PRRC2A: variants seen among roughly 807,000 people sequenced by gnomAD.
PRRC2A encodes protein PRRC2A.
PRRC2A carries 59 observed loss-of-function variants against 224.6 expected under a neutral mutation model. The observed-to-expected ratio is 0.26, with a 90% CI of 0.21 to 0.33. The LOEUF is 0.33. Among genes scored for constraint, PRRC2A ranks in the 10% least tolerant of loss-of-function variants. The pLI, the probability that PRRC2A is intolerant of heterozygous loss-of-function variation, is 1.00. For synonymous variants in PRRC2A, 1,194 were observed against 1,109.5 expected (o/e 1.08, Z -1.51); for missense variants, 3,095 against 2,880.7 (o/e 1.07, Z -1.70).
chr6:31,632,353 A>G lies in PRRC2A; in HGVS notation c.3680A>G (p.Asn1227Ser), dbSNP rs760689376. The G allele has an allele frequency of 2.2e-5, 36 of 1,613,196 alleles. No homozygotes were observed. Among genetic ancestry groups the G allele is most frequent in the Non-Finnish European group, 2.9e-5 (34 of 1,179,958 alleles). Residue 1227 changes from asparagine (N) to serine (S), a missense_variant, in exon 16 of 31, where the codon AAT becomes AGT. Physicochemically the swap from Asn to Ser is conservative, Grantham distance 46. Coordinates refer to ENST00000376033, the MANE Select transcript of PRRC2A (RefSeq NM_004638.4). ...PLSPVARGGSNGGSNVGMEDG... is the reference protein window; with the variant it reads ...PLSPVARGGSSGGSNVGMEDG... ...TCCCCTGTGGCGCGCGGAGGCAGCA[A>G]TGGAGGTAGCAATGTGGGCATGGAA...
rs1776765386 is a variant in PRRC2A at position 31,632,553 on chromosome 6, A to G, written c.3880A>G (p.Thr1294Ala). Residue 1294 changes from threonine (T) to alanine (A), a missense_variant, in exon 16 of 31, where the codon ACA becomes GCA. By Grantham distance (58) the Thr-to-Ala change is moderately conservative. Coordinates refer to ENST00000376033, the MANE Select transcript of PRRC2A (RefSeq NM_004638.4). ...PGPEEALTTV[T>A]VAPAPRRAAA... is the part of the protein sequence containing the mutation. ...ACCTGAGGAGGCCCTCACAACAGTC[A>G]CAGTGGCCCCAGCACCTCGCCGGGC... The G allele has an allele frequency of 6.2e-7, 1 of 1,611,646 alleles. No homozygotes were observed. Among genetic ancestry groups the G allele is most frequent in the Non-Finnish European group, 8.5e-7 (1 of 1,179,256 alleles).
chr6:31,627,017 C>T lies in PRRC2A; in HGVS notation c.1109C>T (p.Pro370Leu). ...DSQSASGEER[P>L]PEADGKKGNS... ...CAATCAGCTTCTGGTGAGGAACGGC[C>T]CCCTGAAGCAGATGGCAAAAAGGGC... The change falls in exon 11 of 31, where the codon CCC (proline) becomes CTC (leucine). Residue 370 changes from proline to leucine, a missense_variant. Transcript: ENST00000376033. This position sits in a 1 kb window ranked among gnomAD's most constrained non-coding sequence, Gnocchi z 5.6. 3 of 1,614,180 alleles carry T rather than the reference C, an allele frequency of 1.9e-6. No individual in the cohort carries two copies. Among genetic ancestry groups the T allele is most frequent in the Non-Finnish European group, 2.5e-6 (3 of 1,180,034 alleles).
chr6:31,628,339 A>G, intron 12 of PRRC2A, 100 bp downstream of exon 12: 2 of 1,456,168 alleles, frequency 1.4e-6, no homozygotes, highest in Admixed American at 2.7e-5. Flanking sequence ...AGTAGAAGGC[A>G]GTTGTTTTGG....
rs1053561620 is a variant in PRRC2A at position 31,636,633 on chromosome 6, C to T, written c.5934+25C>T. 7.4e-5 allele frequency: 117 copies of T among 1,588,906 alleles called. No individual in the cohort carries two copies. The Middle Eastern group carries it at 2.0e-3, about 27-fold the overall frequency. ...GGTATATTGTATCTTCACACTTCCCCTTCATTTGATTTCTCTGTCCAGTTG... is the reference window on the plus strand; with the variant it reads ...GGTATATTGTATCTTCACACTTCCCTTTCATTTGATTTCTCTGTCCAGTTG... On this transcript the variant is annotated intron_variant, in intron 27 of 30. Coordinates refer to ENST00000376033, the MANE Select transcript of PRRC2A (RefSeq NM_004638.4). This position sits in a 1 kb window ranked among gnomAD's most constrained non-coding sequence, Gnocchi z 4.3.
chr6:31,629,608 C>T lies in PRRC2A; in HGVS notation c.2017C>T (p.Pro673Ser). ...GCAGCAGCATCAACAGGGCTCTGCC[C>T]CTCCTACCCCAGTGCCCCCATCACC... ...QWQQHQQGSA[P>S]PTPVPPSPPQ... Residue 673 changes from proline to serine, a missense_variant, in exon 14 of 31, where the codon CCT becomes TCT. Physicochemically the swap from Pro to Ser is moderately conservative, Grantham distance 74. This residue lies in a region of PRRC2A where 2,001 missense variants were observed against 1,764.9 expected (regional missense o/e 1.13). Coordinates refer to ENST00000376033, the MANE Select transcript of PRRC2A (RefSeq NM_004638.4). The T allele has an allele frequency of 3.7e-6, 6 of 1,612,548 alleles. No homozygotes were observed. Among genetic ancestry groups the T allele is most frequent in the Non-Finnish European group, 5.1e-6 (6 of 1,179,540 alleles).
chr6:31,625,114 A>G lies in PRRC2A; in HGVS notation c.464-57A>G. 6.4e-7 allele frequency: 1 copy of G among 1,569,642 alleles called. No homozygotes were observed. Among genetic ancestry groups the G allele is most frequent in the South Asian group, 1.2e-5 (1 of 86,184 alleles). On this transcript the variant is annotated intron_variant, in intron 5 of 30. Coordinates refer to ENST00000376033, the MANE Select transcript of PRRC2A (RefSeq NM_004638.4). The surrounding 1 kb of genome is among the most constrained non-coding windows in gnomAD (Gnocchi z 4.1). ...CGCCCAGCCAGAGTCTTCCACTTTT[A>G]TAGCATGTCCTCAGGAAATGTCTTC... is the stretch of plus-strand genomic sequence containing the variant.
At position 31,637,027 on chromosome 6, in the gene PRRC2A, T is replaced by A; in HGVS notation, c.6148-15T>A. ...GTATTTCAAGGTAGGCAGCTCATGA[T>A]TTTTTTCCCCTCAGCTGCATCCAGT... On this transcript the variant is annotated splice_polypyrimidine_tract_variant and intron_variant, in intron 28 of 30. Transcript: ENST00000376033. The A allele has an allele frequency of 6.3e-7, 1 of 1,592,624 alleles. No homozygotes were observed. Among genetic ancestry groups the A allele is most frequent in the South Asian group, 1.1e-5 (1 of 88,706 alleles).
At chr6:31,623,580 T>TAA in intron 2 of PRRC2A, 152 bp from the exon 3 acceptor site, 1 of 924,596 alleles carries the variant, frequency 1.1e-6, no homozygotes, top group Non-Finnish European at 1.6e-6. Context: ...ATTTCAGAGA[T>TAA]TATTAAGGGC....
At position 31,632,399 on chromosome 6, in the gene PRRC2A, G is replaced by T; in HGVS notation, c.3726G>T (p.Arg1242Ser). 1 of 1,610,332 alleles carries T rather than the reference G, an allele frequency of 6.2e-7. No individual in the cohort carries two copies. The highest frequency in any genetic ancestry group is 8.5e-7 in the Non-Finnish European group (1 of 1,178,038). ...TGGAAGATGGGGAGCGACCCCGAAGGAGGCGACATGGGAGGGCTCAGCAGC... is the reference window on the plus strand; with the variant it reads ...TGGAAGATGGGGAGCGACCCCGAAGTAGGCGACATGGGAGGGCTCAGCAGC... The part of the protein sequence containing the change: ...VGMEDGERPR[R>S]RRHGRAQQQD... The change falls in exon 16 of 31, where the codon AGG (arginine) becomes AGT (serine). Residue 1242 changes from arginine to serine, a missense_variant. This residue lies in a region of PRRC2A where 2,001 missense variants were observed against 1,764.9 expected (regional missense o/e 1.13). Coordinates refer to ENST00000376033, the MANE Select transcript of PRRC2A (RefSeq NM_004638.4).
At position 31,625,020 on chromosome 6, in the gene PRRC2A, G is replaced by C. The variant is rs1370031912; in HGVS notation, c.464-151G>C. On this transcript the variant is annotated intron_variant, in intron 5 of 30. Coordinates refer to ENST00000376033, the MANE Select transcript of PRRC2A (RefSeq NM_004638.4). The surrounding 1 kb of genome is among the most constrained non-coding windows in gnomAD (Gnocchi z 4.1). ...TTCACATGTTGGCCAGGATGGTCTC[G>C]ATCTCTTGACCTCGTGATCCGCCCG... 1.2e-6 allele frequency: 1 copy of C among 836,042 alleles called. No homozygotes were observed. The highest frequency in any genetic ancestry group is 1.9e-6 in the Non-Finnish European group (1 of 528,458). The allele number at this position is 836,042 out of a possible 1,614,324, so 51.8% of individuals were successfully genotyped here. A position where few individuals can be genotyped will look rare whatever the true frequency, so the allele number is the denominator to read the frequency against.
chr6:31,628,179 C>G lies in PRRC2A; in HGVS notation c.1705C>G (p.Leu569Val), dbSNP rs1479169129. The change falls in exon 12 of 31, where the codon CTG becomes GTG. Residue 569 changes from leucine to valine, a missense_variant. Around this residue, in one of 8 missense-constraint regions of PRRC2A, gnomAD observed 2,001 missense variants for 1,764.9 expected, o/e 1.13. Transcript: ENST00000376033. ...PTPGVAAAPTLVSGGGSTSST... is the reference protein window; with the variant it reads ...PTPGVAAAPTVVSGGGSTSST... ...TCCAGGTGTGGCTGCGGCTCCCACTCTGGTGAGTGGTGGTGGCAGTACCAG... is the reference window on the plus strand; with the variant it reads ...TCCAGGTGTGGCTGCGGCTCCCACTGTGGTGAGTGGTGGTGGCAGTACCAG... The G allele has an allele frequency of 6.2e-7, 1 of 1,613,022 alleles. No homozygotes were observed. Among genetic ancestry groups the G allele is most frequent in the Non-Finnish European group, 8.5e-7 (1 of 1,180,034 alleles).
rs1776797631 is a variant in PRRC2A, at chr6:31,632,742, G to C, written c.4069G>C (p.Gly1357Arg). The change falls in exon 16 of 31, where the codon GGT becomes CGT. Residue 1357 changes from glycine to arginine, a missense_variant. Coordinates refer to ENST00000376033, the MANE Select transcript of PRRC2A (RefSeq NM_004638.4). ...TPKAVGTPGG[G>R]GGGAVPGISA... ...CAAGGCTGTGGGAACTCCTGGGGGA[G>C]GTGGAGGTGGAGCCGTACCAGGTAT... The C allele has an allele frequency of 6.2e-7, 1 of 1,612,996 alleles. No individual in the cohort carries two copies. The highest frequency in any genetic ancestry group is 1.7e-5 in the Admixed American group (1 of 59,986).
At chr6:31,630,212 G>T (rs1428390981) in intron 14 of PRRC2A, among the ~76,000 whole-genome samples, 1 of 152,230 alleles carries the variant, frequency 6.6e-6, no homozygotes, top group African/African-American at 2.4e-5. Flanking sequence ...AGCTACTCGG[G>T]AGACTGAGGC....
rs757667577 is a variant in PRRC2A at position 31,634,535 on chromosome 6, T to C, written c.4913T>C (p.Phe1638Ser). Residue 1638 changes from phenylalanine to serine, a missense_variant, in exon 20 of 31, where the codon TTT becomes TCT. Coordinates refer to ENST00000376033, the MANE Select transcript of PRRC2A (RefSeq NM_004638.4). Reference protein sequence around the residue: ...MEPWMEPLSPFEDVAGTEMSQ... With the variant: ...MEPWMEPLSPSEDVAGTEMSQ... ...CCTTGGATGGAGCCCCTGAGTCCTT[T>C]TGAGGATGTGGCTGGCACAGAAGTG... 1.9e-6 allele frequency: 3 copies of C among 1,612,672 alleles called. No individual in the cohort carries two copies. Among genetic ancestry groups the C allele is most frequent in the South Asian group, 2.2e-5 (2 of 91,034 alleles).
chr6:31,633,744 G>A (rs560205632), intron 17 of PRRC2A, 97 bp downstream of exon 17: 15 of 1,528,602 alleles, frequency 9.8e-6, no homozygotes, highest in East Asian at 2.3e-5. Flanking sequence ...GGACCCTGCT[G>A]CTGGGTGCGT....
chr6:31,631,372 G>C lies in PRRC2A; in HGVS notation c.2699G>C (p.Arg900Pro). Residue 900 changes from arginine to proline, a missense_variant, in exon 16 of 31, where the codon CGA (arginine) becomes CCA (proline). Arg to Pro is a moderately radical substitution (Grantham distance 103). Coordinates refer to ENST00000376033, the MANE Select transcript of PRRC2A (RefSeq NM_004638.4). The surrounding 1 kb of genome is among the most constrained non-coding windows in gnomAD (Gnocchi z 4.5). Reference protein sequence around the residue: ...TAQLTGPEAGRKPARGVGSGG... With the variant: ...TAQLTGPEAGPKPARGVGSGG... The stretch of plus-strand genomic sequence containing the variant: ...CAGCTGACGGGGCCAGAAGCAGGCC[G>C]AAAGCCTGCCCGCGGAGTCGGGAGT... The C allele has an allele frequency of 6.2e-7, 1 of 1,604,440 alleles. No homozygotes were observed. Among genetic ancestry groups the C allele is most frequent in the Non-Finnish European group, 8.5e-7 (1 of 1,176,536 alleles).
In PRRC2A at chr6:31,635,423, C is replaced by T. The variant is rs1777220748; in HGVS notation, c.5331C>T (p.Asp1777=). The change falls in exon 23 of 31, where the codon GAC becomes GAT. Residue 1777 remains aspartate, a synonymous_variant. Transcript: ENST00000376033. The part of the protein sequence containing the change: ...KDSDLRLVVG[D]SLKAEKELTA... ...CAGACTTACGCCTAGTGGTAGGAGA[C>T]AGCTTGAAAGCAGAGAAGGAGCTAA... The T allele has an allele frequency of 1.4e-5, 22 of 1,614,228 alleles. No homozygotes were observed. Among genetic ancestry groups the T allele is most frequent in the Non-Finnish European group, 1.8e-5 (21 of 1,180,040 alleles).
chr6:31,636,100 G>C lies in PRRC2A; in HGVS notation c.5624+51G>C. On this transcript the variant is annotated intron_variant, in intron 25 of 30. Coordinates refer to ENST00000376033, the MANE Select transcript of PRRC2A (RefSeq NM_004638.4). The surrounding 1 kb of genome is among the most constrained non-coding windows in gnomAD (Gnocchi z 4.3). ...AGAAGTACTTGGAGATGTGTTTCGG[G>C]GAGAGGGAAGGGGAAGACACAGTTC... 6.4e-7 allele frequency: 1 copy of C among 1,573,956 alleles called. No individual in the cohort carries two copies. Among genetic ancestry groups the C allele is most frequent in the Non-Finnish European group, 8.7e-7 (1 of 1,144,190 alleles).
At chr6:31,622,665 T>A in intron 1 of PRRC2A, 25 bp from the exon 2 acceptor site, 1 of 685,290 alleles carries the variant, frequency 1.5e-6, no homozygotes. Flanking sequence ...ATGGAGTTTT[T>A]AAGTTTCTGT....
Sources: gnomAD v4.1 joint callset for allele counts (sites outside exome capture counted in the v4.1 genomes callset) on GRCh38, gnomAD v4.1.1 for gene constraint, gnomAD v4.1.1 regional missense constraint, Gnocchi (gnomAD v3.1) non-coding constraint, MANE v1.5 for transcripts, NCBI Gene and HGNC (gene_info 2026-07-23, HGNC 2026-07-21) for gene names.